The following TDRD9 variants were observed in gnomAD, a reference collection of about 807,000 sequenced individuals.
TDRD9 encodes the protein ATP-dependent RNA helicase TDRD9.
TDRD9 carries 124 observed loss-of-function variants against 172.6 expected under a neutral mutation model. The observed-to-expected ratio is 0.72, with a 90% CI of 0.62 to 0.83. The LOEUF is 0.83. Among genes scored for constraint, TDRD9 ranks in the 40% least tolerant of loss-of-function variants. The pLI is 0.00. For missense variants in TDRD9, 1,479 were observed against 1,714.1 expected, an observed-to-expected ratio of 0.86 and a Z score of 2.42; for synonymous variants, 619 against 617.1, an observed-to-expected ratio of 1.00 and a Z score of -0.05.
intron 1 of TDRD9, among the ~76,000 whole-genome samples, chr14:103,953,683 C>G (rs72712884): frequency 0.34 from 51,523 of 151,950 alleles, 8,927 homozygotes; most frequent in Middle Eastern, 0.37. Flanking sequence ...AAGACAAAGC[C>G]TGAGAACCTG....
In TDRD9 at chr14:104,005,376, A is replaced by G. The variant is rs749588701; in HGVS notation, c.1684A>G (p.Ile562Val). ...CCTTTCCCCGCCTGGTCTGAGTGAC[A>G]TTGAGCGCACCATCCTTCTACTAAA... ...TALSPPGLSDIERTILLLKEV... is the reference protein window; with the variant it reads ...TALSPPGLSDVERTILLLKEV... The change falls in exon 15 of 36, where the codon ATT (isoleucine) becomes GTT (valine). Residue 562 changes from isoleucine to valine, a missense_variant. Transcript: ENST00000409874. 5.0e-6 allele frequency: 8 copies of G among 1,613,942 alleles called. No individual in the cohort carries two copies. In the South Asian group the frequency reaches 7.7e-5, roughly 16 times the overall value.
At chr14:103,959,229 G>A (rs2032385427) in intron 2 of TDRD9, among the ~76,000 whole-genome samples, 1 of 152,132 alleles carries the variant, frequency 6.6e-6, no homozygotes, top group South Asian at 2.1e-4. Flanking sequence ...TGGACACAGG[G>A]TGAGGGAGGA....
intron 1 of TDRD9, among the ~76,000 whole-genome samples, chr14:103,930,564 T>G (rs1325028510): frequency 6.6e-6 from 1 of 152,246 alleles, no homozygotes; most frequent in African/African-American, 2.4e-5. Flanking sequence ...TTTCGTGGGT[T>G]GCTTCAAGCC....
intron 25 of TDRD9, 112 bp downstream of exon 25, chr14:104,024,792 A>AC: frequency 2.1e-6 from 1 of 474,128 alleles, no homozygotes; most frequent in Non-Finnish European, 3.7e-6. Flanking sequence ...ACACACACAG[A>AC]ACTTGTGCAC....
intron 2 of TDRD9, among the ~76,000 whole-genome samples, chr14:103,960,020 A>G (rs1031556201): frequency 1.3e-5 from 2 of 152,222 alleles, no homozygotes; most frequent in Non-Finnish European, 2.9e-5. Flanking sequence ...TCTGGTTTTA[A>G]GAGAATGGCC....
intron 7 of TDRD9, among the ~76,000 whole-genome samples, chr14:103,983,960 G>A (rs1229090865): frequency 6.6e-6 from 1 of 152,172 alleles, no homozygotes; most frequent in Non-Finnish European, 1.5e-5. Flanking sequence ...CTGGAGTAAA[G>A]GTGACTCTTG....
chr14:103,953,852 C>T (rs910801123), intron 1 of TDRD9, among the ~76,000 whole-genome samples: 7 of 152,096 alleles, frequency 4.6e-5, no homozygotes, highest in African/African-American at 1.4e-4. Context: ...TCAGTGGACT[C>T]GGTAATGCCC....
chr14:103,998,798 T>C (rs533946558), intron 13 of TDRD9, 70 bp downstream of exon 13: 6 of 816,264 alleles, frequency 7.4e-6, no homozygotes, highest in African/African-American at 3.4e-5. Context: ...GTGCTTTTTT[T>C]TTTTTTTTCT....
intron 13 of TDRD9, among the ~76,000 whole-genome samples, chr14:104,001,981 G>T (rs1295625576): frequency 6.6e-6 from 1 of 151,618 alleles, no homozygotes; most frequent in Non-Finnish European, 1.5e-5. Flanking sequence ...CATGAGCAAT[G>T]TGTGAGATCT....
chr14:103,947,518 T>C (rs977434750), intron 1 of TDRD9, among the ~76,000 whole-genome samples: 1 of 151,884 alleles, frequency 6.6e-6, no homozygotes, highest in Non-Finnish European at 1.5e-5. Flanking sequence ...TTAGTAGAGA[T>C]GGGGTTTCAC....
chr14:103,959,177 G>C (rs183519224), intron 2 of TDRD9, among the ~76,000 whole-genome samples: 1 of 152,292 alleles, frequency 6.6e-6, no homozygotes, highest in Non-Finnish European at 1.5e-5. Flanking sequence ...TGGAGGAGGA[G>C]AGCCAGTTGA....
rs552587519 is a variant in TDRD9 at position 103,990,100 on chromosome 14, G to A, written c.1116-1060G>A. Among the ~76,000 whole-genome samples the A allele has an allele frequency of 4.0e-4, 61 of 152,332 alleles. 1 individual carries two copies. Among genetic ancestry groups the A allele is most frequent in the African/African-American group, 1.4e-3 (59 of 41,578 alleles). On this transcript the variant is annotated intron_variant, in intron 8 of 35. Coordinates refer to ENST00000409874, the MANE Select transcript of TDRD9 (RefSeq NM_153046.3). ...TGGACGGCCTCACCTCTGCTAACTG[G>A]GAAGAGCTCCCTTCCCCACTCACTG...
At chr14:104,018,070 G>T (rs756739596) in intron 22 of TDRD9, 22 bp from the exon 23 acceptor site, 5 of 1,422,050 alleles carry the variant, frequency 3.5e-6, no homozygotes, top group Non-Finnish European at 4.9e-6. Context: ...AATCTGCTCT[G>T]ATTTTGTGTT....
At chr14:103,955,130 C>T (rs1480485769) in intron 1 of TDRD9, among the ~76,000 whole-genome samples, 1 of 150,652 alleles carries the variant, frequency 6.6e-6, no homozygotes, top group East Asian at 2.0e-4. Flanking sequence ...CACCATGTTG[C>T]CCAGGCTGGT....
intron 1 of TDRD9, chr14:103,941,213 T>A (rs2295661): frequency 0.026 from 26,711 of 1,016,986 alleles, 491 homozygotes; most frequent in East Asian, 0.062. Context: ...CTTTTGAGTA[T>A]TTTGCATGTT....
At chr14:103,935,725 G>A (rs1278987507) in intron 1 of TDRD9, among the ~76,000 whole-genome samples, 1 of 152,154 alleles carries the variant, frequency 6.6e-6, no homozygotes, top group Admixed American at 6.5e-5. Flanking sequence ...GTGAGAAAAG[G>A]AGACTGAGAA....
intron 1 of TDRD9, among the ~76,000 whole-genome samples, chr14:103,938,440 A>T (rs10142320): frequency 0.82 from 36,953 of 44,824 alleles, 15,824 homozygotes; most frequent in Non-Finnish European, 0.88. Context: ...ATATATATAT[A>T]TTTTTTTTTT....
At chr14:103,992,880 A>T (rs1449659378) in intron 9 of TDRD9, among the ~76,000 whole-genome samples, 3 of 135,498 alleles carry the variant, frequency 2.2e-5, no homozygotes, top group African/African-American at 8.4e-5. Context: ...AGCCGAGATC[A>T]CGCCACTGCA....
intron 29 of TDRD9, 22 bp downstream of exon 29, chr14:104,031,285 T>A (rs1566795588): frequency 1.3e-6 from 2 of 1,541,252 alleles, no homozygotes; most frequent in East Asian, 4.9e-5. Flanking sequence ...AGTTTTAAAA[T>A]GTAATTTAAA....
Sources: gnomAD v4.1 joint callset for allele counts (sites outside exome capture counted in the v4.1 genomes callset) on GRCh38, gnomAD v4.1.1 for gene constraint, MANE v1.5 for transcripts, NCBI Gene and HGNC (gene_info 2026-07-23, HGNC 2026-07-21) for gene names.